CR1: variants seen among roughly 807,000 people sequenced by gnomAD.
CR1 encodes the protein complement C3b/C4b receptor 1 (Knops blood group), also known as complement receptor type 1.
A neutral mutation model predicts 187.3 loss-of-function variants in CR1; 116 were observed. That is an observed-to-expected ratio of 0.62 (90% CI 0.53 to 0.72). CR1 has a LOEUF of 0.72. Among genes scored for constraint, CR1 ranks in the 30% least tolerant of loss-of-function variants. CR1 has a pLI of 0.00. For synonymous variants in CR1, 576 were observed against 747.1 expected (o/e 0.77, Z 3.73); for missense variants, 1,731 against 2,110.7 (o/e 0.82, Z 3.52).
Position 207,641,317 on chromosome 1 carries a change from G to A in CR1, c.*1908G>A, listed in dbSNP as rs1662979336. On this transcript the variant is annotated 3_prime_UTR_variant, in exon 47 of 47. Coordinates refer to ENST00000367049, the MANE Select transcript of CR1 (RefSeq NM_000651.6). ...AATGGAGTAGGTCAGTGAGCAATGTGATTAATAAATATTTCAATGTCTGTG... is the reference window on the plus strand; with the variant it reads ...AATGGAGTAGGTCAGTGAGCAATGTAATTAATAAATATTTCAATGTCTGTG... 6.6e-6 allele frequency: 1 copy of A among 151,894 alleles called. No homozygotes were observed. The highest frequency in any genetic ancestry group is 1.5e-5 in the Non-Finnish European group (1 of 67,968). The allele number at this position is 151,894 out of a possible 1,614,324, so 9.4% of individuals were successfully genotyped here. A position where few individuals can be genotyped will look rare whatever the true frequency, so the allele number is the denominator to read the frequency against.
chr1:207,611,282 A>C (rs1231416731), intron 37 of CR1, among the ~76,000 whole-genome samples: 2 of 152,146 alleles, frequency 1.3e-5, no homozygotes, highest in Non-Finnish European at 2.9e-5. Flanking sequence ...GTTAGATGAG[A>C]CCTTGGCAAC....
intron 35 of CR1, among the ~76,000 whole-genome samples, chr1:207,589,334 T>A (rs1392663733): frequency 2.0e-5 from 3 of 152,142 alleles, no homozygotes; most frequent in African/African-American, 7.2e-5. Flanking sequence ...GGAGTGGACC[T>A]CCATCAAACT....
chr1:207,573,116 C>G (rs1238833774), intron 27 of CR1, among the ~76,000 whole-genome samples: 2 of 152,160 alleles, frequency 1.3e-5, no homozygotes, highest in East Asian at 3.9e-4. Context: ...ATAACAGAGC[C>G]CCTTTGAAAA....
At chr1:207,524,167 T>C (rs1057349282) in intron 5 of CR1, among the ~76,000 whole-genome samples, 158 bp downstream of exon 5, 2 of 152,110 alleles carry the variant, frequency 1.3e-5, no homozygotes, top group African/African-American at 4.8e-5. Flanking sequence ...TGTGTGTACA[T>C]GCACATGTGC....
At chr1:207,592,047 C>T (rs189902700) in intron 35 of CR1, among the ~76,000 whole-genome samples, 1 of 152,320 alleles carries the variant, frequency 6.6e-6, no homozygotes, top group Non-Finnish European at 1.5e-5. Flanking sequence ...TCCTTCTAAA[C>T]TATTCCAAAC....
At chr1:207,592,456 G>A (rs1302297464) in intron 35 of CR1, among the ~76,000 whole-genome samples, 2 of 152,078 alleles carry the variant, frequency 1.3e-5, no homozygotes, top group Admixed American at 6.6e-5. Context: ...AAAATAATAG[G>A]AGCTATTTAT....
chr1:207,630,611 G>C lies in CR1; in HGVS notation c.7447G>C (p.Glu2483Gln). 1.3e-6 allele frequency: 2 copies of C among 1,596,750 alleles called. No homozygotes were observed. The highest frequency in any genetic ancestry group is 2.3e-5 in the South Asian group (2 of 86,888). Reference sequence around the variant, plus strand: ...TCCCCGAACTCTGCAAACAAATGAAGAAAATAGCAGGTACCTATATACATA... The same window carrying C: ...TCCCCGAACTCTGCAAACAAATGAACAAAATAGCAGGTACCTATATACATA... Reference protein sequence around the residue: ...VHPRTLQTNEENSRVLP With the variant: ...VHPRTLQTNEQNSRVLP The change falls in exon 46 of 47, where the codon GAA becomes CAA. Residue 2483 changes from glutamate to glutamine, a missense_variant. Physicochemically the swap from Glu to Gln is conservative, Grantham distance 29 (BLOSUM62 2). This residue lies in a region of CR1 where 1,312 missense variants were observed against 1,379.6 expected (regional missense o/e 0.95). Coordinates refer to ENST00000367049, the MANE Select transcript of CR1 (RefSeq NM_000651.6).
intron 28 of CR1, among the ~76,000 whole-genome samples, chr1:207,576,096 A>T (rs1660736266): frequency 6.6e-6 from 1 of 152,216 alleles, no homozygotes; most frequent in South Asian, 2.1e-4. Flanking sequence ...TCTTTGTCTA[A>T]ACAGGATCAT....
At chr1:207,601,537 A>G (rs11118147) in intron 35 of CR1, among the ~76,000 whole-genome samples, 30,569 of 152,080 alleles carry the variant, frequency 0.2, 3,366 homozygotes, top group South Asian at 0.44. Context: ...CCCATCAGCA[A>G]TGCACAAATG....
intron 1 of CR1, among the ~76,000 whole-genome samples, chr1:207,497,372 G>A (rs1355108016): frequency 6.6e-6 from 1 of 152,086 alleles, no homozygotes; most frequent in East Asian, 1.9e-4. Flanking sequence ...TGGTTGCCTA[G>A]ACTCACTGGC....
Position 207,566,007 on chromosome 1 carries a change from C to A in CR1, c.3952+84C>A, listed in dbSNP as rs1319793496. The A allele has an allele frequency of 2.4e-5, 36 of 1,517,358 alleles. No individual in the cohort carries two copies. In the South Asian group the frequency reaches 3.8e-4, roughly 16 times the overall value. The allele number at this position is 1,517,358 out of a possible 1,614,324, so 94.0% of individuals were successfully genotyped here. On this transcript the variant is annotated intron_variant, in intron 24 of 46. Transcript: ENST00000367049. ...TCCTATGGCCTCCCTCAATGTGATT[C>A]TTCAATATTCTAGTCTTAATTATCG...
At chr1:207,521,678 G>A (rs1324495180) in intron 4 of CR1, among the ~76,000 whole-genome samples, 2 of 122,804 alleles carry the variant, frequency 1.6e-5, no homozygotes, top group Non-Finnish European at 3.2e-5. Flanking sequence ...TGTTGCCCAG[G>A]TTGGAGCACA....
At position 207,523,673 on chromosome 1, in the gene CR1, A is replaced by T. The variant is rs755116652; in HGVS notation, c.550A>T (p.Asn184Tyr). ...AGATTTCATTAGCACCAACAGAGAG[A>T]ATTTTCACTATGGATCAGTGGTGAC... The part of the protein sequence containing the change: ...NGDFISTNRE[N>Y]FHYGSVVTYR... Residue 184 changes from asparagine (N) to tyrosine (Y), a missense_variant, in exon 5 of 47, where the codon AAT (asparagine) becomes TAT (tyrosine). This residue lies in a region of CR1 where 237 missense variants were observed against 240.4 expected (regional missense o/e 0.99). Coordinates refer to ENST00000367049, the MANE Select transcript of CR1 (RefSeq NM_000651.6). The T allele has an allele frequency of 3.7e-6, 6 of 1,613,806 alleles. No homozygotes were observed. The South Asian group carries it at 6.6e-5, about 18-fold the overall frequency.
In CR1 at chr1:207,580,623, A is replaced by G. The variant is rs1660907008; in HGVS notation, c.5216+10A>G. 2 of 1,607,410 alleles carry G rather than the reference A, an allele frequency of 1.2e-6. No individual in the cohort carries two copies. Among genetic ancestry groups the G allele is most frequent in the East Asian group, 4.5e-5 (2 of 44,836 alleles). ...TTGTCTGTGATGAAGGGTAAGTGTG[A>G]CCCAGAATTCAGATCAGGGACTCAG... is the stretch of plus-strand genomic sequence containing the variant. On this transcript the variant is annotated intron_variant, in intron 31 of 46. Transcript: ENST00000367049.
intron 46 of CR1, among the ~76,000 whole-genome samples, chr1:207,632,986 A>G (rs1277845826): frequency 6.6e-6 from 1 of 152,178 alleles, no homozygotes; most frequent in Non-Finnish European, 1.5e-5. Flanking sequence ...TCATTTACAA[A>G]CAGACGAAAT....
intron 4 of CR1, among the ~76,000 whole-genome samples, chr1:207,522,434 A>G (rs1660027003): frequency 6.6e-6 from 1 of 152,184 alleles, no homozygotes; most frequent in South Asian, 2.1e-4. Context: ...CTGGACTTCC[A>G]TTGTTGTCCC....
intron 45 of CR1, among the ~76,000 whole-genome samples, chr1:207,627,940 G>A (rs574993378): frequency 6.6e-6 from 1 of 152,144 alleles, no homozygotes; most frequent in African/African-American, 2.4e-5. Context: ...TCTTTTCTAA[G>A]GGCACTAGTC....
intron 46 of CR1, 69 bp from the exon 47 acceptor site, chr1:207,639,328 C>A: frequency 7.1e-7 from 1 of 1,414,800 alleles, no homozygotes; most frequent in Non-Finnish European, 9.8e-7. Context: ...AGCTTATCAG[C>A]CTGTAAATTC....
chr1:207,617,782 A>G (rs973376742), intron 41 of CR1, among the ~76,000 whole-genome samples: 1 of 151,316 alleles, frequency 6.6e-6, no homozygotes, highest in Non-Finnish European at 1.5e-5. Context: ...TCCATCTTCC[A>G]GTAAGGACAG....
Sources: gnomAD v4.1 joint callset for allele counts (sites outside exome capture counted in the v4.1 genomes callset) on GRCh38, gnomAD v4.1.1 for gene constraint, gnomAD v4.1.1 regional missense constraint, MANE v1.5 for transcripts, NCBI Gene and HGNC (gene_info 2026-07-23, HGNC 2026-07-21) for gene names.